KHDRBS2: variants seen among roughly 807,000 people sequenced by gnomAD.
KHDRBS2 encodes the protein KH domain-containing, RNA-binding, signal transduction-associated protein 2.
Under a neutral mutation model 44.3 loss-of-function variants are expected in KHDRBS2, and 26 were observed. The observed-to-expected ratio is 0.59, with a 90% CI of 0.43 to 0.81. The LOEUF (loss-of-function observed/expected upper bound fraction) is 0.81, where lower values mean the gene tolerates loss of function less well. Ranked by LOEUF, KHDRBS2 falls within the 40% of genes least tolerant of loss-of-function variation. The probability of loss-of-function intolerance (pLI) is 0.00; values close to 1 mark genes in which losing one functional copy is unlikely to be tolerated. For synonymous variants in KHDRBS2, 194 were observed against 151.1 expected (o/e 1.28, Z -2.08); for missense variants, 476 against 433.1 (o/e 1.10, Z -0.88).
intron 1 of KHDRBS2, among the ~76,000 whole-genome samples, chr6:62,250,805 G>A (rs1430278499): frequency 1.1e-4 from 17 of 151,942 alleles, no homozygotes; most frequent in Middle Eastern, 3.4e-3. Flanking sequence ...AATAAGGAAG[G>A]TTATTTCTAT....
the KHDRBS2 span, among the ~76,000 whole-genome samples, chr6:61,626,645 A>T: frequency 6.6e-6 from 1 of 152,218 alleles, no homozygotes; most frequent in Non-Finnish European, 1.5e-5. Context: ...ATGCAAAAAG[A>T]GTTATTTCTA....
At chr6:61,655,260 A>ACACACACACC in the KHDRBS2 span, among the ~76,000 whole-genome samples, 6 of 146,582 alleles carry the variant, frequency 4.1e-5, no homozygotes, top group Admixed American at 2.1e-4. Flanking sequence ...ACACACACAC[A>ACACACACACC]CTATTTATTT....
chr6:62,179,243 A>G (rs1821769023), intron 1 of KHDRBS2, among the ~76,000 whole-genome samples: 1 of 151,718 alleles, frequency 6.6e-6, no homozygotes, highest in Admixed American at 6.6e-5. Context: ...ATTTATAATC[A>G]TCTTATCAGT....
intron 7 of KHDRBS2, among the ~76,000 whole-genome samples, chr6:61,714,982 C>A (rs1299049926): frequency 2.6e-5 from 4 of 151,696 alleles, no homozygotes; most frequent in Non-Finnish European, 5.9e-5. Flanking sequence ...ACCCTAAAAG[C>A]CCTGACTTCA....
intron 6 of KHDRBS2, among the ~76,000 whole-genome samples, chr6:61,811,412 C>G (rs1300207803): frequency 6.6e-6 from 1 of 152,064 alleles, no homozygotes; most frequent in African/African-American, 2.4e-5. Flanking sequence ...CGATGAACAT[C>G]CAAGTCCATG....
intron 2 of KHDRBS2, among the ~76,000 whole-genome samples, chr6:62,054,707 T>A (rs1789869970): frequency 6.6e-6 from 1 of 151,924 alleles, no homozygotes; most frequent in African/African-American, 2.4e-5. Context: ...TTCTATTAGG[T>A]GGAAAAGTCA....
At position 61,848,475 on chromosome 6, in the gene KHDRBS2, ATATATATATATATATG is replaced by A. The variant is rs1411026955; in HGVS notation, c.810+46144_810+46159del. On this transcript the variant is annotated intron_variant, in intron 6 of 8. Transcript: ENST00000281156. Reference sequence around the variant, plus strand: ...ATTGAGAGAAATGGAGGTTTTATATATATATATATATATATGTATATATATATATATATATGTATAT... The same window carrying A: ...ATTGAGAGAAATGGAGGTTTTATATATATATATATATATATATATGTATAT... 2.6e-3 allele frequency among the ~76,000 whole-genome samples: 133 copies of A among 51,254 alleles called. 6 individuals carry two copies. The highest frequency in any genetic ancestry group is 0.013 in the African/African-American group (103 of 7,990). The allele number at this position is 51,254 out of a possible 152,430, so 33.6% of individuals were successfully genotyped here.
intron 3 of KHDRBS2, among the ~76,000 whole-genome samples, chr6:61,978,609 C>A (rs1773212417): frequency 6.6e-6 from 1 of 151,980 alleles, no homozygotes; most frequent in African/African-American, 2.4e-5. Flanking sequence ...TCACTGTGTT[C>A]TTTAAGAAAA....
At chr6:61,726,952 C>G (rs1157029037) in intron 7 of KHDRBS2, among the ~76,000 whole-genome samples, 1 of 151,930 alleles carries the variant, frequency 6.6e-6, no homozygotes, top group Non-Finnish European at 1.5e-5. Flanking sequence ...CAAAAAAGAG[C>G]CTGAATAGCC....
chr6:62,139,510 G>A (rs1053584828), intron 2 of KHDRBS2, among the ~76,000 whole-genome samples: 14 of 149,396 alleles, frequency 9.4e-5, no homozygotes, highest in African/African-American at 3.0e-4. Context: ...CGGAGATCGC[G>A]CCACTACACT....
At chr6:62,068,647 T>C (rs2127341760) in intron 2 of KHDRBS2, among the ~76,000 whole-genome samples, 1 of 151,774 alleles carries the variant, frequency 6.6e-6, no homozygotes, top group South Asian at 2.1e-4. Context: ...TTAAGATCTA[T>C]GATCCATTTT....
Position 62,242,509 on chromosome 6 carries a change from G to A in KHDRBS2, c.91+43349C>T, listed in dbSNP as rs138205117. Among the ~76,000 whole-genome samples, 389 of 152,022 alleles carry A rather than the reference G, an allele frequency of 2.6e-3. 3 individuals carry two copies. The highest frequency in any genetic ancestry group is 8.5e-3 in the African/African-American group (351 of 41,482). On this transcript the variant is annotated intron_variant, in intron 1 of 8. Coordinates refer to ENST00000281156, the MANE Select transcript of KHDRBS2 (RefSeq NM_152688.4). ...TTGTGACAAGCAAAATAGTCTTTACGCATGGCCAAATGCCCCCTGGGAGTA... is the reference window on the plus strand; with the variant it reads ...TTGTGACAAGCAAAATAGTCTTTACACATGGCCAAATGCCCCCTGGGAGTA...
intron 6 of KHDRBS2, among the ~76,000 whole-genome samples, chr6:61,794,759 C>CT (rs1785080285): frequency 6.6e-6 from 1 of 152,058 alleles, no homozygotes; most frequent in Admixed American, 6.6e-5. Flanking sequence ...ATACATGTTG[C>CT]TGTGTTTTTT....
intron 2 of KHDRBS2, among the ~76,000 whole-genome samples, chr6:62,137,793 C>G (rs1173412692): frequency 6.6e-6 from 1 of 152,136 alleles, no homozygotes; most frequent in Admixed American, 6.5e-5. Flanking sequence ...TGCTCATAGA[C>G]TACCACTTTA....
intron 3 of KHDRBS2, among the ~76,000 whole-genome samples, chr6:61,984,476 G>T (rs545258327): frequency 3.3e-5 from 5 of 151,896 alleles, no homozygotes; most frequent in African/African-American, 1.2e-4. Flanking sequence ...AAAAAAATAC[G>T]TTCTGAACAT....
the KHDRBS2 span, among the ~76,000 whole-genome samples, chr6:61,638,352 G>T: frequency 6.5e-4 from 99 of 151,904 alleles, 1 homozygote; most frequent in Middle Eastern, 3.4e-3. Context: ...AAATAATGCC[G>T]CATATCTACA....
chr6:61,802,587 T>A (rs1786454135), intron 6 of KHDRBS2, among the ~76,000 whole-genome samples: 1 of 152,120 alleles, frequency 6.6e-6, no homozygotes, highest in South Asian at 2.1e-4. Flanking sequence ...TCTCCTAAAT[T>A]CTAGTTTCAA....
rs189101387 is a variant in KHDRBS2, at chr6:61,793,709, A to G, written c.811-60945T>C. ...TTTCATAATTTAAAAAAGTTAATTC[A>G]GAAATATAAACCTGCTTTGCAAATT... On this transcript the variant is annotated intron_variant, in intron 6 of 8. Coordinates refer to ENST00000281156, the MANE Select transcript of KHDRBS2 (RefSeq NM_152688.4). Among the ~76,000 whole-genome samples the G allele has an allele frequency of 4.8e-4, 73 of 152,256 alleles. 1 individual carries two copies. Among genetic ancestry groups the G allele is most frequent in the African/African-American group, 1.5e-3 (63 of 41,576 alleles).
At chr6:61,592,188 CAAAAAAAAAA>C in the KHDRBS2 span, among the ~76,000 whole-genome samples, 1,548 of 122,214 alleles carry the variant, frequency 0.013, 12 homozygotes, top group Non-Finnish European at 0.019. Flanking sequence ...AAGATCCCAC[CAAAAAAAAAA>C]AAAAAAAAAA....
Sources: allele counts gnomAD v4.1 joint callset (sites outside exome capture counted in the v4.1 genomes callset), GRCh38; gene constraint gnomAD v4.1.1; transcripts MANE v1.5; gene names NCBI Gene and HGNC (gene_info 2026-07-23, HGNC 2026-07-21).